TMC4: variants seen among roughly 807,000 people sequenced by gnomAD.
The protein encoded by TMC4 is transmembrane channel like 4.
A neutral mutation model predicts 82.0 loss-of-function variants in TMC4; 70 were observed. That is an observed-to-expected ratio of 0.85 (90% CI 0.70 to 1.04). TMC4 has a LOEUF of 1.04. TMC4 is among the 50% of genes least tolerant of loss of function. TMC4 has a pLI of 0.00. For missense variants in TMC4, 879 were observed against 899.0 expected (o/e 0.98, Z 0.28); for synonymous variants, 446 against 406.0 (o/e 1.10, Z -1.18).
In TMC4 at chr19:54,173,074, G is replaced by C. The variant is rs760844084; in HGVS notation, c.44C>G (p.Ser15Cys). 18 of 1,612,974 alleles carry C rather than the reference G, an allele frequency of 1.1e-5. No individual in the cohort carries two copies. Among genetic ancestry groups the C allele is most frequent in the Non-Finnish European group, 1.4e-5 (16 of 1,179,732 alleles). The change falls in exon 1 of 15, where the codon TCT (serine) becomes TGT (cysteine). Residue 15 changes from serine (S) to cysteine (C), a missense_variant. By Grantham distance (112) the Ser-to-Cys change is moderately radical. Transcript: ENST00000619895. ...PTLESEAWGS[S>C]REWLAPREAR... ...CTCCCGGGGGGCCAGCCACTCCCTA[G>C]AGGAGCCCCAGGCTTCTGATTCCAA...
At chr19:54,169,797 A>C (rs2075840202) in intron 2 of TMC4, 137 bp from the exon 3 acceptor site, 1 of 1,283,676 alleles carries the variant, frequency 7.8e-7, no homozygotes. Context: ...TGTAGCAATA[A>C]AAAAGAAACC....
chr19:54,169,381 C>T, intron 3 of TMC4, 131 bp downstream of exon 3: 1 of 1,254,036 alleles, frequency 8.0e-7, no homozygotes, highest in Non-Finnish European at 1.1e-6. Flanking sequence ...CCAGCCCCTC[C>T]TCCCTCAGAC....
chr19:54,163,123 C>G lies in TMC4; in HGVS notation c.1314G>C (p.Leu438=). 1.2e-6 allele frequency: 2 copies of G among 1,613,942 alleles called. No individual in the cohort carries two copies. The highest frequency in any genetic ancestry group is 8.5e-7 in the Non-Finnish European group (1 of 1,179,992). The part of the protein sequence containing the change: ...VFLRLASLVV[L]LFSLWNQITC... The stretch of plus-strand genomic sequence containing the variant: ...TGATCTGATTCCAGAGAGAGAAGAG[C>G]AGGACCACCAGGGAGGCGAGGCGAA... Residue 438 remains leucine (L), a synonymous_variant, in exon 9 of 15, where the codon CTG becomes CTC. Transcript: ENST00000619895.
chr19:54,169,600 C>G lies in TMC4; in HGVS notation c.354G>C (p.Trp118Cys). Residue 118 changes from tryptophan (W) to cysteine (C), a missense_variant, in exon 3 of 15, where the codon TGG (tryptophan) becomes TGC (cysteine). Coordinates refer to ENST00000619895, the MANE Select transcript of TMC4 (RefSeq NM_144686.4). ...CCTTGGACCTCCGAAGTAGCCGCGC[C>G]CATCGGTCCGTCTTAGTTCCAGAGC... The part of the protein sequence containing the change: ...VYGSGTKTDR[W>C]ARLLRRSKEK... 1 of 1,614,042 alleles carries G rather than the reference C, an allele frequency of 6.2e-7. No individual in the cohort carries two copies.
chr19:54,170,821 C>G (rs901956854), intron 2 of TMC4, among the ~76,000 whole-genome samples: 6 of 151,838 alleles, frequency 4.0e-5, no homozygotes, highest in Middle Eastern at 3.2e-3. Context: ...TAAATCACCT[C>G]TAGATTACTT....
rs2075599494 is a variant in TMC4, at chr19:54,162,786, A to G, written c.1405-16T>C. 1 of 1,611,428 alleles carries G rather than the reference A, an allele frequency of 6.2e-7. No homozygotes were observed. Among genetic ancestry groups the G allele is most frequent in the African/African-American group, 1.3e-5 (1 of 74,940 alleles). On this transcript the variant is annotated splice_polypyrimidine_tract_variant and intron_variant, in intron 9 of 14. Coordinates refer to ENST00000619895, the MANE Select transcript of TMC4 (RefSeq NM_144686.4). Reference sequence around the variant, plus strand: ...TCTCCCAGCACTGAAGAAGGAAGAAATATATCAGAAAGAACTCGGGACCCG... The same window carrying G: ...TCTCCCAGCACTGAAGAAGGAAGAAGTATATCAGAAAGAACTCGGGACCCG...
At chr19:54,164,796 G>A (rs990532347) in intron 6 of TMC4, 195 bp from the exon 7 acceptor site, 19 of 705,496 alleles carry the variant, frequency 2.7e-5, no homozygotes, top group African/African-American at 2.3e-4. Context: ...GCCCCTTCGC[G>A]GCCGGATCCA....
At chr19:54,164,405 CT>C (rs1568730514) in intron 7 of TMC4, 28 bp downstream of exon 7, 1 of 1,585,764 alleles carries the variant, frequency 6.3e-7, no homozygotes, top group Admixed American at 1.8e-5. Context: ...CCAGGACCCC[CT>C]GGCTTCCTCT....
rs200701064 is a variant in TMC4, at chr19:54,160,385, G to A, written c.2053-11C>T. On this transcript the variant is annotated splice_polypyrimidine_tract_variant and intron_variant, in intron 14 of 14. Transcript: ENST00000619895. ...TTTATTCTGCGCCTCCTGGGGCAAAGAGAGGTGGAGGTGAGACAATCCTCT... is the reference window on the plus strand; with the variant it reads ...TTTATTCTGCGCCTCCTGGGGCAAAAAGAGGTGGAGGTGAGACAATCCTCT... 18 of 1,555,320 alleles carry A rather than the reference G, an allele frequency of 1.2e-5. No homozygotes were observed. The Admixed American group carries it at 1.6e-4, about 14-fold the overall frequency.
intron 5 of TMC4, among the ~76,000 whole-genome samples, chr19:54,166,875 C>A (rs541818170): frequency 7.2e-4 from 110 of 152,210 alleles, no homozygotes; most frequent in African/African-American, 2.2e-3. Context: ...ATTGCTTGAA[C>A]CCGGGCGGCG....
rs1568733997 is a variant in TMC4 at position 54,165,582 on chromosome 19, CG to C, written c.798-17del. The C allele has an allele frequency of 6.3e-7, 1 of 1,588,806 alleles. No homozygotes were observed. The highest frequency in any genetic ancestry group is 2.3e-5 in the East Asian group (1 of 44,224). On this transcript the variant is annotated splice_polypyrimidine_tract_variant and intron_variant, in intron 5 of 14. Transcript: ENST00000619895. ...AGACACCGAGCTGAGAGGGGAGACC[CG>C]GGAGACGGGAAGTGAAAGGACAGCC...
In TMC4 at chr19:54,162,240, C is replaced by A. The variant is rs1568723285; in HGVS notation, c.1548G>T (p.Gly516=). 6.2e-7 allele frequency: 1 copy of A among 1,608,512 alleles called. No individual in the cohort carries two copies. The highest frequency in any genetic ancestry group is 2.2e-5 in the East Asian group (1 of 44,634). Residue 516 remains glycine, a synonymous_variant, in exon 11 of 15, where the codon GGG becomes GGT. Transcript: ENST00000619895. ...LCPGALGRLA[G]TQEFQVPDEV... is the part of the protein sequence containing the mutation. Reference sequence around the variant, plus strand: ...CGTCGGGCACCTGGAACTCTTGGGTCCCCGCCAGACGACCCAGCGCCCCAG... The same window carrying A: ...CGTCGGGCACCTGGAACTCTTGGGTACCCGCCAGACGACCCAGCGCCCCAG...
intron 5 of TMC4, among the ~76,000 whole-genome samples, chr19:54,167,562 A>T (rs2075734124): frequency 1.3e-5 from 2 of 150,634 alleles, no homozygotes; most frequent in Non-Finnish European, 1.5e-5. Flanking sequence ...CTGTCTCAAA[A>T]ACAAACAAAC....
chr19:54,170,352 G>C (rs1197694459), intron 2 of TMC4, among the ~76,000 whole-genome samples: 1 of 149,528 alleles, frequency 6.7e-6, no homozygotes, highest in Non-Finnish European at 1.5e-5. Flanking sequence ...AAAAAAAAAG[G>C]TTAGGGAGAA....
chr19:54,161,074 C>A (rs1018271707), intron 12 of TMC4, 41 bp from the exon 13 acceptor site: 6 of 1,610,830 alleles, frequency 3.7e-6, no homozygotes, highest in Non-Finnish European at 4.2e-6. Context: ...TGCCAGGAGT[C>A]TGAACACTGA....
intron 2 of TMC4, among the ~76,000 whole-genome samples, chr19:54,170,710 G>A (rs927750541): frequency 2.0e-5 from 3 of 151,878 alleles, no homozygotes; most frequent in Non-Finnish European, 4.4e-5. Context: ...ATAGCTCAAT[G>A]CAGCCTCAAA....
Position 54,173,149 on chromosome 19 carries a change from C to G in TMC4, c.-32G>C, listed in dbSNP as rs569004311. On this transcript the variant is annotated 5_prime_UTR_variant, in exon 1 of 15. Transcript: ENST00000619895. ...AGGCTGGGCTGTCTCTAGTGGCCAC[C>G]AGGCAGACACTGCCCCAGGTAAGGG... 6 of 1,604,132 alleles carry G rather than the reference C, an allele frequency of 3.7e-6. No homozygotes were observed. The highest frequency in any genetic ancestry group is 5.1e-6 in the Non-Finnish European group (6 of 1,172,018).
At position 54,164,872 on chromosome 19, in the gene TMC4, C is replaced by G. The variant is rs2075662463; in HGVS notation, c.946-271G>C. Among the ~76,000 whole-genome samples the G allele has an allele frequency of 1.3e-5, 2 of 152,100 alleles. 1 individual carries two copies. The highest frequency in any genetic ancestry group is 4.2e-4 in the South Asian group (2 of 4,818). Reference sequence around the variant, plus strand: ...CCCAGGCCCCGCCCCTGAGGCTCCGCCCAGCATCCCAAGACCCGCCCCTGG... The same window carrying G: ...CCCAGGCCCCGCCCCTGAGGCTCCGGCCAGCATCCCAAGACCCGCCCCTGG... On this transcript the variant is annotated intron_variant, in intron 6 of 14. Coordinates refer to ENST00000619895, the MANE Select transcript of TMC4 (RefSeq NM_144686.4).
intron 10 of TMC4, 32 bp downstream of exon 10, chr19:54,162,641 G>A: frequency 1.3e-6 from 2 of 1,565,376 alleles, no homozygotes; most frequent in Non-Finnish European, 8.8e-7. Flanking sequence ...GTCCTAGAGG[G>A]GCGGGGCCAC....
Sources: gnomAD v4.1 joint callset for allele counts (sites outside exome capture counted in the v4.1 genomes callset) on GRCh38, gnomAD v4.1.1 for gene constraint, MANE v1.5 for transcripts, NCBI Gene and HGNC (gene_info 2026-07-23, HGNC 2026-07-21) for gene names.